PKD1L3: variants seen among roughly 807,000 people sequenced by gnomAD.
PKD1L3 encodes polycystin-1-like protein 3.
Under a neutral mutation model 184.1 loss-of-function variants are expected in PKD1L3, and 239 were observed. The ratio of observed to expected loss-of-function variants is 1.30; its 90% CI spans 1.17 to 1.45. PKD1L3 has a LOEUF of 1.45. PKD1L3 is among the 40% of genes most tolerant of loss of function. The probability of loss-of-function intolerance (pLI) is 0.00; values close to 1 mark genes in which losing one functional copy is unlikely to be tolerated. For synonymous variants in PKD1L3, 996 were observed against 778.8 expected (o/e 1.28, Z -4.64); for missense variants, 2,660 against 2,067.2 (o/e 1.29, Z -5.56).
At position 71,973,421 on chromosome 16, in the gene PKD1L3, G is replaced by A. The variant is rs376088552; in HGVS notation, c.1856C>T (p.Ala619Val). Reference sequence around the variant, plus strand: ...CGAGACCAAGCTGGGTGTCTGCTGAGCACCCTCCTGCCTCTCACTCAGCAC... The same window carrying A: ...CGAGACCAAGCTGGGTGTCTGCTGAACACCCTCCTGCCTCTCACTCAGCAC... ...TAVLSERQEG[A>V]QQTPSLVSVI... is the part of the protein sequence containing the mutation. Residue 619 changes from alanine to valine, a missense_variant, in exon 12 of 30, where the codon GCT becomes GTT. Transcript: ENST00000620267. The A allele has an allele frequency of 1.3e-5, 20 of 1,551,526 alleles. No homozygotes were observed. The African/African-American group carries it at 1.6e-4, about 13-fold the overall frequency.
intron 28 of PKD1L3, 116 bp downstream of exon 28, chr16:71,933,304 A>T: frequency 1.3e-6 from 1 of 760,352 alleles, no homozygotes; most frequent in Non-Finnish European, 2.3e-6. Flanking sequence ...AAGGACTGAA[A>T]TTTTCCCCCT....
At chr16:71,940,460 T>C (rs1480460488) in intron 24 of PKD1L3, among the ~76,000 whole-genome samples, 1 of 152,174 alleles carries the variant, frequency 6.6e-6, no homozygotes, top group Non-Finnish European at 1.5e-5. Flanking sequence ...AGATACCCAG[T>C]TGATAAGCTC....
At chr16:71,961,312 G>A (rs998599216) in intron 16 of PKD1L3, among the ~76,000 whole-genome samples, 1 of 152,024 alleles carries the variant, frequency 6.6e-6, no homozygotes, top group Admixed American at 6.6e-5. Context: ...TGGTAGAGAA[G>A]GGGTTTTACC....
At position 71,977,400 on chromosome 16, in the gene PKD1L3, A is replaced by G. The variant is rs1305301926; in HGVS notation, c.1595T>C (p.Leu532Pro). Reference sequence around the variant, plus strand: ...GGAAGTGACGTTCACTGTGATTGTAAGCTGATGTGTGCTCATGTTGAGGCT... The same window carrying G: ...GGAAGTGACGTTCACTGTGATTGTAGGCTGATGTGTGCTCATGTTGAGGCT... ...PTSLNMSTHQ[L>P]TITVNVTSLE... The change falls in exon 11 of 30, where the codon CTT becomes CCT. Residue 532 changes from leucine to proline, a missense_variant. Physicochemically the swap from Leu to Pro is moderately conservative, Grantham distance 98. Coordinates refer to ENST00000620267, the MANE Select transcript of PKD1L3 (RefSeq NM_181536.2). The G allele has an allele frequency of 1.3e-6, 2 of 1,551,490 alleles. No individual in the cohort carries two copies. Among genetic ancestry groups the G allele is most frequent in the Admixed American group, 3.9e-5 (2 of 50,972 alleles).
intron 12 of PKD1L3, among the ~76,000 whole-genome samples, chr16:71,972,012 C>T (rs545824081): frequency 1.5e-4 from 22 of 151,712 alleles, no homozygotes; most frequent in African/African-American, 4.8e-4. Context: ...GACAGGAGAT[C>T]GAGACCATCC....
At chr16:71,956,184 ATTTTTTTTTTT>A (rs35268514) in intron 16 of PKD1L3, among the ~76,000 whole-genome samples, 1 of 82,756 alleles carries the variant, frequency 1.2e-5, no homozygotes, top group Admixed American at 1.8e-4. Flanking sequence ...AAAGGAAGGA[ATTTTTTTTTTT>A]TTTTTTTTTT....
intron 10 of PKD1L3, 97 bp from the exon 11 acceptor site, chr16:71,977,564 T>TCCTC: frequency 2.3e-6 from 1 of 439,234 alleles, no homozygotes; most frequent in Non-Finnish European, 3.4e-6. Context: ...CTAGCTCTTT[T>TCCTC]TTTTTTTTTT....
intron 16 of PKD1L3, among the ~76,000 whole-genome samples, chr16:71,958,956 G>T (rs2039162299): frequency 6.6e-6 from 1 of 150,874 alleles, no homozygotes; most frequent in Admixed American, 6.6e-5. Flanking sequence ...GCATGGCAGC[G>T]TGTGCCTGTA....
At chr16:71,939,176 G>A (rs532377752) in intron 24 of PKD1L3, among the ~76,000 whole-genome samples, 10 of 152,338 alleles carry the variant, frequency 6.6e-5, no homozygotes, top group East Asian at 1.9e-4. Flanking sequence ...TCAGGGAGCC[G>A]GCACCTGTGC....
intron 11 of PKD1L3, among the ~76,000 whole-genome samples, chr16:71,976,338 C>A (rs2039924098): frequency 1.4e-5 from 2 of 139,052 alleles, no homozygotes; most frequent in Non-Finnish European, 3.0e-5. Context: ...TCACGGCAAC[C>A]TCTGCCTCCC....
rs1432140893 is a variant in PKD1L3, at chr16:71,933,918, A to T, written c.4821T>A (p.Ile1607=). The T allele has an allele frequency of 2.6e-6, 4 of 1,550,888 alleles. No homozygotes were observed. The highest frequency in any genetic ancestry group is 3.5e-6 in the Non-Finnish European group (4 of 1,146,538). ...IILILLTGYA[I]AFNLLFGCSI... is the part of the protein sequence containing the mutation. The stretch of plus-strand genomic sequence containing the variant: ...AGACAGCAACGTGGGGGCTTACGGC[A>T]ATGGCATAGCCTGTCAGCAGGATTA... Residue 1607 remains isoleucine, a synonymous_variant, in exon 27 of 30, where the codon ATT becomes ATA. Transcript: ENST00000620267.
intron 13 of PKD1L3, 35 bp downstream of exon 13, chr16:71,969,840 T>C (rs1268760302): frequency 6.6e-7 from 1 of 1,513,206 alleles, no homozygotes; most frequent in East Asian, 2.5e-5. Context: ...ACTCAAAACA[T>C]CATGGCAAAT....
At chr16:71,985,111 A>T (rs1272096095) in intron 5 of PKD1L3, among the ~76,000 whole-genome samples, 2 of 152,224 alleles carry the variant, frequency 1.3e-5, no homozygotes, top group Non-Finnish European at 2.9e-5. Context: ...TCTTGATTAA[A>T]TGCTGACATT....
chr16:71,967,158 T>C lies in PKD1L3; in HGVS notation c.2444A>G (p.Asn815Ser), dbSNP rs1274071665. The change falls in exon 15 of 30, where the codon AAT becomes AGT. Residue 815 changes from asparagine (N) to serine (S), a missense_variant. By Grantham distance (46) the Asn-to-Ser change is conservative. Coordinates refer to ENST00000620267, the MANE Select transcript of PKD1L3 (RefSeq NM_181536.2). ...NLHSLRLWHDNSGVSPSWYVS... is the reference protein window; with the variant it reads ...NLHSLRLWHDSSGVSPSWYVS... Reference sequence around the variant, plus strand: ...TCACCAGGAGGGACTGACGCCAGAATTGTCATGCCAGAGCCGAAGGCTGTG... The same window carrying C: ...TCACCAGGAGGGACTGACGCCAGAACTGTCATGCCAGAGCCGAAGGCTGTG... 2 of 1,551,526 alleles carry C rather than the reference T, an allele frequency of 1.3e-6. No individual in the cohort carries two copies. The highest frequency in any genetic ancestry group is 2.4e-5 in the East Asian group (1 of 40,934).
At chr16:71,937,560 T>C in intron 24 of PKD1L3, 141 bp from the exon 25 acceptor site, 1 of 935,810 alleles carries the variant, frequency 1.1e-6, no homozygotes. Flanking sequence ...GTATTTCCTT[T>C]AGAGCTGTCA....
chr16:71,931,745 G>A (rs1030769454), intron 28 of PKD1L3, among the ~76,000 whole-genome samples: 5 of 152,078 alleles, frequency 3.3e-5, no homozygotes, highest in African/African-American at 4.8e-5. Context: ...GATTACAGGC[G>A]TGAGCTACTG....
intron 16 of PKD1L3, among the ~76,000 whole-genome samples, chr16:71,959,572 TA>T (rs1310672303): frequency 6.6e-6 from 1 of 152,080 alleles, no homozygotes; most frequent in Non-Finnish European, 1.5e-5. Flanking sequence ...CACTAGAGAG[TA>T]ATTTAAAACA....
chr16:71,938,125 C>T (rs530673637), intron 24 of PKD1L3, among the ~76,000 whole-genome samples: 1 of 152,234 alleles, frequency 6.6e-6, no homozygotes, highest in African/African-American at 2.4e-5. Flanking sequence ...GGCATCCCTG[C>T]ACTCGGGGGC....
Position 71,984,138 on chromosome 16 carries a change from G to T in PKD1L3, c.864C>A (p.Ser288Arg). The T allele has an allele frequency of 6.4e-7, 1 of 1,551,754 alleles. No homozygotes were observed. The highest frequency in any genetic ancestry group is 8.7e-7 in the Non-Finnish European group (1 of 1,146,910). ...QVIDEIAGNF[S>R]RAVHGLQALN... ...GAGCTTGCAAACCATGAACTGCTCTGCTGAAGTTCCCTGCTATCTCATCTA... is the reference window on the plus strand; with the variant it reads ...GAGCTTGCAAACCATGAACTGCTCTTCTGAAGTTCCCTGCTATCTCATCTA... Residue 288 changes from serine (S) to arginine (R), a missense_variant, in exon 6 of 30, where the codon AGC becomes AGA. Transcript: ENST00000620267.
Sources: allele counts gnomAD v4.1 joint callset (sites outside exome capture counted in the v4.1 genomes callset), GRCh38; gene constraint gnomAD v4.1.1; transcripts MANE v1.5; gene names NCBI Gene and HGNC (gene_info 2026-07-23, HGNC 2026-07-21).